The following EPB41L4B variants were observed in gnomAD, a reference collection of about 807,000 sequenced individuals.
EPB41L4B encodes erythrocyte membrane protein band 4.1 like 4B.
In EPB41L4B, 30 loss-of-function variants were observed where a neutral mutation model predicts 112.5. That is an observed-to-expected ratio of 0.27 (90% CI 0.20 to 0.36). EPB41L4B has a LOEUF of 0.36. Among genes scored for constraint, EPB41L4B ranks in the 10% least tolerant of loss-of-function variants. The pLI, the probability that EPB41L4B is intolerant of heterozygous loss-of-function variation, is 1.00. For missense variants in EPB41L4B, 1,024 were observed against 1,133.3 expected, an observed-to-expected ratio of 0.90 and a Z score of 1.38; for synonymous variants, 408 against 439.7, an observed-to-expected ratio of 0.93 and a Z score of 0.90.
chr9:109,265,825 G>C (rs1236001646), intron 4 of EPB41L4B, among the ~76,000 whole-genome samples: 1 of 152,174 alleles, frequency 6.6e-6, no homozygotes, highest in Non-Finnish European at 1.5e-5. Flanking sequence ...CTACACACAA[G>C]AGTGGCCCCC....
At chr9:109,311,921 A>C (rs1198496876) in intron 1 of EPB41L4B, among the ~76,000 whole-genome samples, 1 of 152,204 alleles carries the variant, frequency 6.6e-6, no homozygotes, top group East Asian at 1.9e-4. Flanking sequence ...GCAGTGATTA[A>C]GGGAAGCAAC....
chr9:109,215,780 C>T (rs1564271463), intron 16 of EPB41L4B, among the ~76,000 whole-genome samples: 1 of 152,040 alleles, frequency 6.6e-6, no homozygotes, highest in Admixed American at 6.5e-5. Flanking sequence ...GAATCAAAGC[C>T]CATATTTTTA....
At chr9:109,258,423 T>G in intron 6 of EPB41L4B, 126 bp from the exon 7 acceptor site, 2 of 983,106 alleles carry the variant, frequency 2.0e-6, no homozygotes, top group Non-Finnish European at 3.0e-6. Flanking sequence ...TATAACTCTC[T>G]CCTTTCGGGA....
chr9:109,197,088 C>G (rs1832667387), intron 20 of EPB41L4B, among the ~76,000 whole-genome samples: 1 of 152,176 alleles, frequency 6.6e-6, no homozygotes, highest in South Asian at 2.1e-4. Context: ...CATTTATATT[C>G]CTTGATCACG....
intron 15 of EPB41L4B, among the ~76,000 whole-genome samples, chr9:109,237,233 A>AGGG (rs1319327791): frequency 6.6e-6 from 1 of 152,218 alleles, no homozygotes; most frequent in Non-Finnish European, 1.5e-5. Context: ...CTTCAACAGA[A>AGGG]ATGGTAGACC....
intron 24 of EPB41L4B, among the ~76,000 whole-genome samples, chr9:109,179,640 G>C (rs1471086392): frequency 6.6e-6 from 1 of 152,090 alleles, no homozygotes; most frequent in Non-Finnish European, 1.5e-5. Context: ...TCCCAACCAA[G>C]TCTTTTTCCA....
intron 4 of EPB41L4B, among the ~76,000 whole-genome samples, chr9:109,265,672 A>G (rs1480290689): frequency 1.3e-5 from 2 of 152,210 alleles, no homozygotes; most frequent in African/African-American, 2.4e-5. Context: ...TACTCAAGTA[A>G]AAAAATAAAT....
At chr9:109,260,873 T>C (rs1192128507) in intron 6 of EPB41L4B, among the ~76,000 whole-genome samples, 5 of 152,184 alleles carry the variant, frequency 3.3e-5, no homozygotes, top group Admixed American at 2.0e-4. Flanking sequence ...GAGGGCTTCA[T>C]TGCAATGGGG....
At chr9:109,201,024 T>C (rs1240610897) in intron 19 of EPB41L4B, among the ~76,000 whole-genome samples, 1 of 152,152 alleles carries the variant, frequency 6.6e-6, no homozygotes, top group Non-Finnish European at 1.5e-5. Flanking sequence ...TTTTAAAAAA[T>C]CAGTTCATTA....
intron 24 of EPB41L4B, among the ~76,000 whole-genome samples, chr9:109,182,296 A>G (rs1285958444): frequency 2.0e-5 from 3 of 152,250 alleles, no homozygotes; most frequent in African/African-American, 7.2e-5. Context: ...TAAGTGAAAG[A>G]GGCCAGTCAC....
chr9:109,210,192 G>C (rs943733004), intron 17 of EPB41L4B, among the ~76,000 whole-genome samples: 1 of 152,140 alleles, frequency 6.6e-6, no homozygotes, highest in Non-Finnish European at 1.5e-5. Context: ...CATTTGACTG[G>C]ATTCATTATC....
At chr9:109,215,860 C>T (rs944862065) in intron 16 of EPB41L4B, among the ~76,000 whole-genome samples, 12 of 152,186 alleles carry the variant, frequency 7.9e-5, no homozygotes, top group Non-Finnish European at 1.8e-4. Context: ...TATGGTGGCT[C>T]ATGCCTATAA....
At chr9:109,295,237 G>A (rs953737204) in intron 1 of EPB41L4B, among the ~76,000 whole-genome samples, 1 of 152,106 alleles carries the variant, frequency 6.6e-6, no homozygotes, top group African/African-American at 2.4e-5. Context: ...AGCAAGAAAC[G>A]AAGTATATGC....
chr9:109,220,911 A>G (rs1833552264), intron 15 of EPB41L4B, among the ~76,000 whole-genome samples: 1 of 152,198 alleles, frequency 6.6e-6, no homozygotes, highest in South Asian at 2.1e-4. Flanking sequence ...TGCCCCATGG[A>G]GGCAGCAAAA....
At chr9:109,244,982 C>G (rs560370197) in intron 14 of EPB41L4B, among the ~76,000 whole-genome samples, 5 of 152,294 alleles carry the variant, frequency 3.3e-5, no homozygotes, top group Admixed American at 3.3e-4. Context: ...ATTCAAGCAG[C>G]CTTTCCTTTC....
At chr9:109,268,556 T>C in intron 2 of EPB41L4B, 123 bp from the exon 3 acceptor site, 1 of 828,290 alleles carries the variant, frequency 1.2e-6, no homozygotes, top group Non-Finnish European at 1.9e-6. Flanking sequence ...TTGGATCATA[T>C]CATGGGTTCT....
Position 109,178,902 on chromosome 9 carries a change from T to TAAAAAAAAAAAAAAAAAAAAAAA in EPB41L4B, c.2488-2207_2488-2206insTTTTTTTTTTTTTTTTTTTTTTT, listed in dbSNP as rs10625718. Among the ~76,000 whole-genome samples, 2 of 105,140 alleles carry TAAAAAAAAAAAAAAAAAAAAAAA rather than the reference T, an allele frequency of 1.9e-5. 1 individual carries two copies. The highest frequency in any genetic ancestry group is 3.6e-5 in the Non-Finnish European group (2 of 56,256). 69.0% of individuals were successfully genotyped at this position (105,140 alleles called of 152,430 possible). A position where few individuals can be genotyped will look rare whatever the true frequency, so the allele number is the denominator to read the frequency against. On this transcript the variant is annotated intron_variant, in intron 24 of 25. Coordinates refer to ENST00000374566, the MANE Select transcript of EPB41L4B (RefSeq NM_019114.5). ...GTTCTTGATTGCCATATACTTCAAG[T>TAAAAAAAAAAAAAAAAAAAAAAA]AAAAAAAAAAAAAAAAAGCCAGTTT...
intron 15 of EPB41L4B, among the ~76,000 whole-genome samples, chr9:109,238,016 G>T (rs532632808): frequency 1.3e-5 from 2 of 152,194 alleles, no homozygotes; most frequent in Admixed American, 1.3e-4. Flanking sequence ...GCAAATGGTG[G>T]GATGAAGGGT....
At chr9:109,275,438 A>C (rs554874149) in intron 2 of EPB41L4B, among the ~76,000 whole-genome samples, 2 of 152,280 alleles carry the variant, frequency 1.3e-5, no homozygotes, top group Non-Finnish European at 2.9e-5. Flanking sequence ...TCCTATAAAA[A>C]TCAATGACCC....
Sources: gnomAD v4.1 joint callset for allele counts (sites outside exome capture counted in the v4.1 genomes callset) on GRCh38, gnomAD v4.1.1 for gene constraint, MANE v1.5 for transcripts, NCBI Gene and HGNC (gene_info 2026-07-23, HGNC 2026-07-21) for gene names.